The following ELAVL1 variants were observed in gnomAD, a reference collection of about 807,000 sequenced individuals.
ELAVL1 encodes ELAV like RNA binding protein 1.
A neutral mutation model predicts 28.4 loss-of-function variants in ELAVL1; 1 was observed. That is an observed-to-expected ratio of 0.04 (90% CI 0.01 to 0.17). The LOEUF is 0.17. ELAVL1 is among the 10% of genes least tolerant of loss of function. The pLI is 1.00. For synonymous variants in ELAVL1, 174 were observed against 183.5 expected (o/e 0.95, Z 0.42); for missense variants, 157 against 447.2 (o/e 0.35, Z 5.85).
rs4804244 is a variant in ELAVL1, at chr19:7,962,171, G to T, written c.*1312C>A. 0.24 allele frequency: 36,513 copies of T among 153,644 alleles called. 4,643 individuals are homozygous for T. Among genetic ancestry groups the T allele is most frequent in the Non-Finnish European group, 0.29 (19,911 of 67,982 alleles). The allele number at this position is 153,644 out of a possible 1,614,324, so 9.5% of individuals were successfully genotyped here. A position where few individuals can be genotyped will look rare whatever the true frequency, so the allele number is the denominator to read the frequency against. On this transcript the variant is annotated 3_prime_UTR_variant, in exon 6 of 6. Coordinates refer to ENST00000407627, the MANE Select transcript of ELAVL1 (RefSeq NM_001419.3). ...CAGAAATGCTTTTGCTTGAGGCAAG[G>T]ATTGGTTTCTTAAGATCTTACGACT...
rs532963014 is a variant in ELAVL1, at chr19:7,988,135, G to A, written c.172+3509C>T. ...GGACTGAAGCAACACCCAGGAGGAT[G>A]AGAGCCAAGGACACGCCTAGATTTC... On this transcript the variant is annotated intron_variant, in intron 2 of 5. Transcript: ENST00000407627. 3.5e-4 allele frequency among the ~76,000 whole-genome samples: 54 copies of A among 152,206 alleles called. 1 individual carries two copies. Among genetic ancestry groups the A allele is most frequent in the Non-Finnish European group, 6.6e-4 (45 of 68,042 alleles).
chr19:7,994,136 A>G (rs1985821914), intron 1 of ELAVL1, among the ~76,000 whole-genome samples: 1 of 152,270 alleles, frequency 6.6e-6, no homozygotes, highest in Non-Finnish European at 1.5e-5. Context: ...AGCAAAAGGC[A>G]TCACAGACCT....
At position 7,973,741 on chromosome 19, in the gene ELAVL1, G is replaced by A. The variant is rs767175101; in HGVS notation, c.414C>T (p.Leu138=). ...RFGRIINSRV[L]VDQTTGLSRG... is the part of the protein sequence containing the mutation. ...CTCTGGTACCTGTAGTCTGATCCAC[G>A]AGGACCCGCGAGTTGATGATCCGCC... The change falls in exon 4 of 6, where the codon CTC becomes CTT. Residue 138 remains leucine (L), a synonymous_variant. Transcript: ENST00000407627. The A allele has an allele frequency of 5.0e-6, 8 of 1,613,872 alleles. No individual in the cohort carries two copies. Among genetic ancestry groups the A allele is most frequent in the African/African-American group, 2.7e-5 (2 of 74,908 alleles).
At chr19:7,994,853 C>T (rs1985836978) in intron 1 of ELAVL1, among the ~76,000 whole-genome samples, 1 of 152,142 alleles carries the variant, frequency 6.6e-6, no homozygotes, top group Non-Finnish European at 1.5e-5. Flanking sequence ...ACTCGGGAGA[C>T]AAAGGCAGGG....
At chr19:7,987,115 CCG>C (rs1491499217) in intron 2 of ELAVL1, among the ~76,000 whole-genome samples, 16 of 1,682 alleles carry the variant, frequency 9.5e-3, no homozygotes, top group Non-Finnish European at 0.014. Flanking sequence ...CCGGGGGGTG[CCG>C]GGGGGGGGGG....
chr19:7,960,042 C>T lies in ELAVL1; in HGVS notation c.*3441G>A, dbSNP rs189143756. On this transcript the variant is annotated 3_prime_UTR_variant, in exon 6 of 6. Coordinates refer to ENST00000407627, the MANE Select transcript of ELAVL1 (RefSeq NM_001419.3). ...TGTAACAGCTGAGTGATGTCAATTTCGATTTTTCAAGTCCGATGCCGGACT... is the reference window on the plus strand; with the variant it reads ...TGTAACAGCTGAGTGATGTCAATTTTGATTTTTCAAGTCCGATGCCGGACT... The T allele has an allele frequency of 9.8e-5, 15 of 152,316 alleles. No individual in the cohort carries two copies. Among genetic ancestry groups the T allele is most frequent in the African/African-American group, 3.4e-4 (14 of 41,556 alleles). 9.4% of individuals were successfully genotyped at this position (152,316 alleles called of 1,614,324 possible).
At chr19:7,974,817 C>T (rs1985234244) in intron 3 of ELAVL1, among the ~76,000 whole-genome samples, 1 of 152,222 alleles carries the variant, frequency 6.6e-6, no homozygotes, top group South Asian at 2.1e-4. Context: ...GAAGCCGCCA[C>T]TCAGGAGTCA....
Position 7,981,434 on chromosome 19 carries a change from C to T in ELAVL1, c.173-248G>A, listed in dbSNP as rs1020806771. 1.3e-5 allele frequency among the ~76,000 whole-genome samples: 2 copies of T among 151,654 alleles called. No individual in the cohort carries two copies. The highest frequency in any genetic ancestry group is 2.9e-5 in the Non-Finnish European group (2 of 67,962). On this transcript the variant is annotated intron_variant, in intron 2 of 5. Transcript: ENST00000407627. The surrounding 1 kb of genome is among the most constrained non-coding windows in gnomAD (Gnocchi z 4.2). ...GTCCAGCGCTGTGATCACAGCTCAC[C>T]GCCACCTCAAATTCTTGGGCTCAAG... is the stretch of plus-strand genomic sequence containing the variant.
intron 1 of ELAVL1, among the ~76,000 whole-genome samples, chr19:8,003,415 G>A (rs1267481920): frequency 1.7e-4 from 25 of 146,970 alleles, no homozygotes; most frequent in East Asian, 2.0e-4. Context: ...ACCATGGTCC[G>A]GGCGCGGTGG....
In ELAVL1 at chr19:7,960,527, C is replaced by G. The variant is rs1265597566; in HGVS notation, c.*2956G>C. 2.0e-5 allele frequency: 3 copies of G among 152,318 alleles called. No homozygotes were observed. Among genetic ancestry groups the G allele is most frequent in the Non-Finnish European group, 2.9e-5 (2 of 68,034 alleles). The allele number at this position is 152,318 out of a possible 1,614,324, so 9.4% of individuals were successfully genotyped here. A position where few individuals can be genotyped will look rare whatever the true frequency, so the allele number is the denominator to read the frequency against. On this transcript the variant is annotated 3_prime_UTR_variant, in exon 6 of 6. Coordinates refer to ENST00000407627, the MANE Select transcript of ELAVL1 (RefSeq NM_001419.3). ...GCGGCTTGGCAAATTACACTGAAAA[C>G]GAAATAATGGCAGAGCCAAGGGGGA...
chr19:7,973,490 A>T (rs1412828527), intron 4 of ELAVL1: 2 of 548,882 alleles, frequency 3.6e-6, no homozygotes, highest in Non-Finnish European at 6.3e-6. Context: ...TTGGCCTCCC[A>T]AAGTGCTGGG....
chr19:7,987,781 C>T (rs1235250063), intron 2 of ELAVL1, among the ~76,000 whole-genome samples: 2 of 152,260 alleles, frequency 1.3e-5, no homozygotes, highest in South Asian at 2.1e-4. Flanking sequence ...AGGAGAGATA[C>T]TCATGTGCTG....
intron 5 of ELAVL1, among the ~76,000 whole-genome samples, chr19:7,965,575 G>T (rs1009747167): frequency 6.6e-6 from 1 of 152,074 alleles, no homozygotes; most frequent in East Asian, 1.9e-4. Context: ...CCTCCTGAGC[G>T]AATCTTTCCC....
intron 2 of ELAVL1, among the ~76,000 whole-genome samples, chr19:7,984,535 C>T (rs1271058242): frequency 6.6e-6 from 1 of 152,190 alleles, no homozygotes; most frequent in Non-Finnish European, 1.5e-5. Context: ...GTGGAGCCAG[C>T]GGGCTGGTGA....
intron 1 of ELAVL1, among the ~76,000 whole-genome samples, chr19:8,005,273 G>A (rs928819922): frequency 6.6e-6 from 1 of 151,398 alleles, no homozygotes; most frequent in African/African-American, 2.4e-5. Flanking sequence ...CCCGTCCCTC[G>A]AGGCGCCAGA....
intron 1 of ELAVL1, among the ~76,000 whole-genome samples, 174 bp downstream of exon 1, chr19:8,005,321 C>T (rs1384711872): frequency 6.7e-6 from 1 of 149,938 alleles, no homozygotes; most frequent in Non-Finnish European, 1.5e-5. Flanking sequence ...GCGCCCACAC[C>T]GGCCCGCCCC....
chr19:7,977,978 C>G (rs964895845), intron 3 of ELAVL1, among the ~76,000 whole-genome samples: 1 of 152,258 alleles, frequency 6.6e-6, no homozygotes, highest in African/African-American at 2.4e-5. Flanking sequence ...CTAACTCCCT[C>G]TCCTCCTCCA....
Position 7,991,772 on chromosome 19 carries a change from C to A in ELAVL1, c.44G>T (p.Gly15Val). 2 of 1,614,126 alleles carry A rather than the reference C, an allele frequency of 1.2e-6. No homozygotes were observed. Among genetic ancestry groups the A allele is most frequent in the Non-Finnish European group, 8.5e-7 (1 of 1,180,018 alleles). ...YEDHMAEDCR[G>V]DIGRTNLIVN... ...GATCAAATTCGTTCTCCCGATGTCA[C>A]CCCTGCAGTCTTCGGCCATGTGGTC... The change falls in exon 2 of 6, where the codon GGT becomes GTT. Residue 15 changes from glycine (G) to valine (V), a missense_variant. By Grantham distance (109) the Gly-to-Val change is moderately radical (BLOSUM62 -3). Transcript: ENST00000407627.
In ELAVL1 at chr19:7,962,963, A is replaced by G. The variant is rs1984854255; in HGVS notation, c.*520T>C. ...GACCACTCGGCAGAGCCCGGGACTG[A>G]GTGAGCAGGAGGTGGCAACGGGACC... On this transcript the variant is annotated 3_prime_UTR_variant, in exon 6 of 6. Coordinates refer to ENST00000407627, the MANE Select transcript of ELAVL1 (RefSeq NM_001419.3). 6.4e-6 allele frequency: 1 copy of G among 155,882 alleles called. No homozygotes were observed. The highest frequency in any genetic ancestry group is 2.0e-4 in the South Asian group (1 of 5,044). The allele number at this position is 155,882 out of a possible 1,614,324, so 9.7% of individuals were successfully genotyped here. A position where few individuals can be genotyped will look rare whatever the true frequency, so the allele number is the denominator to read the frequency against.
Sources: gnomAD v4.1 joint callset for allele counts (sites outside exome capture counted in the v4.1 genomes callset) on GRCh38, gnomAD v4.1.1 for gene constraint, Gnocchi (gnomAD v3.1) non-coding constraint, MANE v1.5 for transcripts, NCBI Gene and HGNC (gene_info 2026-07-23, HGNC 2026-07-21) for gene names.